The following LONP2 variants were observed in gnomAD, a reference collection of about 807,000 sequenced individuals.
LONP2 encodes lon peptidase 2, peroxisomal.
Under a neutral mutation model 85.6 loss-of-function variants are expected in LONP2, and 60 were observed. The ratio of observed to expected loss-of-function variants is 0.70; its 90% CI spans 0.57 to 0.87. LONP2 has a LOEUF of 0.87. LONP2 is among the 40% of genes least tolerant of loss of function. LONP2 has a pLI of 0.00. For missense variants in LONP2, 860 were observed against 1,063.5 expected (o/e 0.81, Z 2.66); for synonymous variants, 395 against 389.7 (o/e 1.01, Z -0.16).
intron 2 of LONP2, among the ~76,000 whole-genome samples, chr16:48,255,306 T>C (rs1971735880): frequency 6.6e-6 from 1 of 152,114 alleles, no homozygotes; most frequent in Admixed American, 6.5e-5. Flanking sequence ...GAAAAGGAAA[T>C]GGGGCGCATC....
intron 6 of LONP2, 147 bp from the exon 7 acceptor site, chr16:48,269,869 T>C: frequency 2.6e-6 from 2 of 779,626 alleles, no homozygotes; most frequent in South Asian, 2.1e-5. Context: ...AATGCAGATC[T>C]CCTAGAATCC....
chr16:48,296,534 C>G (rs1265295260), intron 9 of LONP2, among the ~76,000 whole-genome samples: 3 of 152,008 alleles, frequency 2.0e-5, no homozygotes, highest in Non-Finnish European at 4.4e-5. Context: ...TCGAGACCAG[C>G]CTGGCCAACG....
At chr16:48,248,236 C>T (rs1340332315) in intron 1 of LONP2, among the ~76,000 whole-genome samples, 1 of 152,022 alleles carries the variant, frequency 6.6e-6, no homozygotes, top group African/African-American at 2.4e-5. Context: ...ATCCTCTCAC[C>T]TCAGCCTCCT....
intron 7 of LONP2, among the ~76,000 whole-genome samples, chr16:48,271,105 G>A (rs1972093952): frequency 6.6e-6 from 1 of 152,138 alleles, no homozygotes; most frequent in South Asian, 2.1e-4. Flanking sequence ...ATTTAGGCCT[G>A]GGAAGGTCCA....
chr16:48,358,253 G>C (rs897552075), downstream of LONP2, among the ~76,000 whole-genome samples: 2 of 152,078 alleles, frequency 1.3e-5, no homozygotes, highest in African/African-American at 2.4e-5. Flanking sequence ...AATGAAAATG[G>C]AAAACTTCAC....
At chr16:48,276,335 G>T (rs1245253286) in intron 7 of LONP2, among the ~76,000 whole-genome samples, 1 of 152,116 alleles carries the variant, frequency 6.6e-6, no homozygotes, top group Non-Finnish European at 1.5e-5. Context: ...CAGAAATCAG[G>T]CCTGCTCTGT....
At position 48,348,154 on chromosome 16, in the gene LONP2, C is replaced by G; in HGVS notation, c.2201C>G (p.Ala734Gly). 6.2e-7 allele frequency: 1 copy of G among 1,611,858 alleles called. No homozygotes were observed. The highest frequency in any genetic ancestry group is 8.5e-7 in the Non-Finnish European group (1 of 1,179,572). The change falls in exon 14 of 15, where the codon GCT (alanine) becomes GGT (glycine). Residue 734 changes from alanine (A) to glycine (G), a missense_variant. Physicochemically the swap from Ala to Gly is moderately conservative, Grantham distance 60. Around this residue, in one of 3 missense-constraint regions of LONP2, gnomAD observed 743 missense variants for 917.3 expected, o/e 0.81. Transcript: ENST00000285737. ...ACAGACATCCATCTGCACTTCCCAG[C>G]TGGAGCTGTCACAAAAGATGGACCA... ...DNTDIHLHFP[A>G]GAVTKDGPSA...
intron 6 of LONP2, among the ~76,000 whole-genome samples, chr16:48,269,196 A>G (rs1399374826): frequency 6.8e-6 from 1 of 147,308 alleles, no homozygotes; most frequent in African/African-American, 2.5e-5. Context: ...TCTTTACATC[A>G]TCTGTTTTTT....
intron 11 of LONP2, among the ~76,000 whole-genome samples, chr16:48,318,241 A>T: frequency 6.6e-6 from 1 of 152,114 alleles, no homozygotes; most frequent in East Asian, 1.9e-4. Flanking sequence ...ATCAAAAGCC[A>T]GGTGTGGTGG....
intron 8 of LONP2, among the ~76,000 whole-genome samples, chr16:48,283,568 A>G (rs927431656): frequency 6.6e-6 from 1 of 152,172 alleles, no homozygotes; most frequent in Non-Finnish European, 1.5e-5. Context: ...CTAGGTGACA[A>G]TGCATCTGTT....
At chr16:48,306,192 AAC>A (rs1972907970) in intron 11 of LONP2, among the ~76,000 whole-genome samples, 1 of 152,346 alleles carries the variant, frequency 6.6e-6, no homozygotes, top group Admixed American at 6.5e-5. Context: ...TTTATTAGGT[AAC>A]ACATTTTGAA....
intron 10 of LONP2, 102 bp from the exon 11 acceptor site, chr16:48,303,070 C>T: frequency 7.6e-7 from 1 of 1,314,258 alleles, no homozygotes; most frequent in Non-Finnish European, 1.0e-6. Flanking sequence ...GGGTAATGAA[C>T]TTTTAAATGT....
Position 48,334,320 on chromosome 16 carries a change from C to T in LONP2, c.1900C>T (p.Leu634=). ...GCCGATTTTGATTGATTTCCATGCT[C>T]TGAAAGACATCCTTGGGCCCCCGAT... ...EMPILIDFHA[L]KDILGPPMYE... The change falls in exon 12 of 15, where the codon CTG becomes TTG. Residue 634 remains leucine (L), a synonymous_variant. Coordinates refer to ENST00000285737, the MANE Select transcript of LONP2 (RefSeq NM_031490.5). The T allele has an allele frequency of 6.2e-7, 1 of 1,614,160 alleles. No individual in the cohort carries two copies. Among genetic ancestry groups the T allele is most frequent in the African/African-American group, 1.3e-5 (1 of 75,042 alleles).
At chr16:48,273,981 A>T (rs1481963567) in intron 7 of LONP2, among the ~76,000 whole-genome samples, 1 of 152,202 alleles carries the variant, frequency 6.6e-6, no homozygotes, top group Non-Finnish European at 1.5e-5. Context: ...GTTATAAATA[A>T]ACTATTTCAT....
At chr16:48,310,571 C>T (rs184703878) in intron 11 of LONP2, among the ~76,000 whole-genome samples, 1 of 152,038 alleles carries the variant, frequency 6.6e-6, no homozygotes, top group African/African-American at 2.4e-5. Flanking sequence ...AGGCTGGTCT[C>T]GAACTCCTGA....
At chr16:48,338,365 G>A (rs1329733951) in intron 12 of LONP2, among the ~76,000 whole-genome samples, 3 of 152,130 alleles carry the variant, frequency 2.0e-5, no homozygotes, top group African/African-American at 7.2e-5. Flanking sequence ...AAACAAACAG[G>A]GTGGTACTGA....
At chr16:48,286,435 C>T (rs1326346912) in intron 8 of LONP2, among the ~76,000 whole-genome samples, 1 of 152,170 alleles carries the variant, frequency 6.6e-6, no homozygotes, top group African/African-American at 2.4e-5. Context: ...GCCACCGTGC[C>T]TGGCCGCTGA....
chr16:48,359,647 C>T (rs2151041954), downstream of LONP2, among the ~76,000 whole-genome samples: 1 of 152,016 alleles, frequency 6.6e-6, no homozygotes, highest in African/African-American at 2.4e-5. Flanking sequence ...ACCCAGGAGG[C>T]CGAGGTTGCA....
intron 11 of LONP2, among the ~76,000 whole-genome samples, chr16:48,308,702 A>G (rs1363389968): frequency 1.3e-5 from 2 of 151,994 alleles, no homozygotes; most frequent in Non-Finnish European, 2.9e-5. Context: ...AAAACATACT[A>G]GAAGAAAATC....
Sources: gnomAD v4.1 joint callset for allele counts (sites outside exome capture counted in the v4.1 genomes callset) on GRCh38, gnomAD v4.1.1 for gene constraint, gnomAD v4.1.1 regional missense constraint, MANE v1.5 for transcripts, NCBI Gene and HGNC (gene_info 2026-07-23, HGNC 2026-07-21) for gene names.